Variants in MAN1A2 observed in about 807,000 individuals in gnomAD.
The protein encoded by MAN1A2 is mannosidase alpha class 1A member 2, also known as mannosyl-oligosaccharide 1,2-alpha-mannosidase IB.
MAN1A2 carries 26 observed loss-of-function variants against 75.7 expected under a neutral mutation model. The ratio of observed to expected loss-of-function variants is 0.34; its 90% CI spans 0.25 to 0.48. The LOEUF (loss-of-function observed/expected upper bound fraction) is 0.48, where lower values mean the gene tolerates loss of function less well. MAN1A2 is among the 20% of genes least tolerant of loss of function. The pLI, the probability that MAN1A2 is intolerant of heterozygous loss-of-function variation, is 0.99. For synonymous variants in MAN1A2, 247 were observed against 264.6 expected (o/e 0.93, Z 0.65); for missense variants, 562 against 775.5 (o/e 0.72, Z 3.27).
intron 1 of MAN1A2, among the ~76,000 whole-genome samples, chr1:117,376,155 C>G (rs1011103110): frequency 6.6e-6 from 1 of 152,198 alleles, no homozygotes; most frequent in Non-Finnish European, 1.5e-5. Flanking sequence ...CGTGATCCGC[C>G]CGCCTCGGCC....
intron 8 of MAN1A2, among the ~76,000 whole-genome samples, chr1:117,488,948 C>A (rs1271864295): frequency 1.3e-5 from 2 of 152,056 alleles, no homozygotes; most frequent in Non-Finnish European, 2.9e-5. Context: ...GAGATCAAAT[C>A]TTTTCTATGT....
At chr1:117,468,380 A>G (rs1281325516) in intron 8 of MAN1A2, among the ~76,000 whole-genome samples, 1 of 152,180 alleles carries the variant, frequency 6.6e-6, no homozygotes, top group African/African-American at 2.4e-5. Context: ...AATTTATTCC[A>G]AATAAATTTT....
chr1:117,433,264 A>C (rs1283872100), intron 5 of MAN1A2, among the ~76,000 whole-genome samples: 1 of 152,116 alleles, frequency 6.6e-6, no homozygotes, highest in African/African-American at 2.4e-5. Context: ...AGGATTTCAG[A>C]TTAGAGATAC....
At chr1:117,472,686 T>G (rs1163517352) in intron 8 of MAN1A2, among the ~76,000 whole-genome samples, 1 of 152,116 alleles carries the variant, frequency 6.6e-6, no homozygotes, top group African/African-American at 2.4e-5. Flanking sequence ...TTATTATTAT[T>G]AGTTTTCTCC....
intron 12 of MAN1A2, among the ~76,000 whole-genome samples, chr1:117,521,298 G>A (rs1651864759): frequency 6.6e-6 from 1 of 151,992 alleles, no homozygotes. Context: ...CAAAAACAAA[G>A]ATAAATAGCT....
At chr1:117,472,604 G>A (rs1266435027) in intron 8 of MAN1A2, among the ~76,000 whole-genome samples, 1 of 151,912 alleles carries the variant, frequency 6.6e-6, no homozygotes, top group Non-Finnish European at 1.5e-5. Flanking sequence ...AGCACTTTTA[G>A]TTTCTAGGAC....
intron 2 of MAN1A2, among the ~76,000 whole-genome samples, chr1:117,404,127 C>T (rs1028685738): frequency 6.6e-6 from 1 of 151,966 alleles, no homozygotes; most frequent in Non-Finnish European, 1.5e-5. Context: ...TCCACTTTGT[C>T]GTGGTATGGT....
intron 7 of MAN1A2, among the ~76,000 whole-genome samples, chr1:117,465,493 G>C (rs888167072): frequency 3.3e-5 from 5 of 152,128 alleles, no homozygotes; most frequent in African/African-American, 1.2e-4. Context: ...GAATGACGAT[G>C]GGAAACCTTG....
rs1292562094 is a variant in MAN1A2 at position 117,429,830 on chromosome 1, G to A, written c.855+9181G>A. ...GGGCCGACACCCCCACCTCCCTCCC[G>A]GAGGGGGCGGCTGGCCGGGCGGGGG... On this transcript the variant is annotated intron_variant, in intron 5 of 12. Coordinates refer to ENST00000356554, the MANE Select transcript of MAN1A2 (RefSeq NM_006699.5). Among the ~76,000 whole-genome samples the A allele has an allele frequency of 6.2e-4, 53 of 85,772 alleles. 1 individual carries two copies. Among genetic ancestry groups the A allele is most frequent in the African/African-American group, 2.0e-3 (44 of 22,024 alleles). 56.3% of individuals were successfully genotyped at this position (85,772 alleles called of 152,430 possible).
At chr1:117,492,550 T>A (rs1459162322) in intron 8 of MAN1A2, among the ~76,000 whole-genome samples, 1 of 152,054 alleles carries the variant, frequency 6.6e-6, no homozygotes, top group East Asian at 1.9e-4. Context: ...ACTTGCAGTA[T>A]CTCTGAGGTA....
At chr1:117,386,660 T>G (rs2101733301) in intron 1 of MAN1A2, among the ~76,000 whole-genome samples, 1 of 151,952 alleles carries the variant, frequency 6.6e-6, no homozygotes, top group Non-Finnish European at 1.5e-5. Context: ...TCAAGGGACT[T>G]GATTCCTTTC....
intron 1 of MAN1A2, among the ~76,000 whole-genome samples, chr1:117,380,171 TC>T (rs1653285368): frequency 6.6e-6 from 1 of 152,182 alleles, no homozygotes; most frequent in South Asian, 2.1e-4. Flanking sequence ...ATTACATCCA[TC>T]CTAGTGTCTA....
At chr1:117,495,327 C>T (rs1268173864) in intron 9 of MAN1A2, among the ~76,000 whole-genome samples, 3 of 151,700 alleles carry the variant, frequency 2.0e-5, no homozygotes, top group Admixed American at 1.3e-4. Context: ...CTCAAGTATG[C>T]AGTCTTTGCA....
intron 11 of MAN1A2, among the ~76,000 whole-genome samples, chr1:117,502,511 C>T (rs1651232739): frequency 6.6e-6 from 1 of 151,590 alleles, no homozygotes; most frequent in South Asian, 2.1e-4. Context: ...TGAAACTGAC[C>T]TCCATCTTGA....
At position 117,472,173 on chromosome 1, in the gene MAN1A2, G is replaced by A. The variant is rs565957430; in HGVS notation, c.1168+5746G>A. ...CCCCATTTTAACTGCACCTTTTTCC[G>A]TTTGGAATACCTTCCGCCTTCTCTA... On this transcript the variant is annotated intron_variant, in intron 8 of 12. Transcript: ENST00000356554. Among the ~76,000 whole-genome samples the A allele has an allele frequency of 4.2e-4, 64 of 151,642 alleles. No individual in the cohort carries two copies. In the Middle Eastern group the frequency reaches 0.01, roughly 24 times the overall value.
chr1:117,493,289 C>A, intron 9 of MAN1A2, 27 bp downstream of exon 9: 1 of 1,401,414 alleles, frequency 7.1e-7, no homozygotes, highest in Non-Finnish European at 1.0e-6. Context: ...CATTTTTCTA[C>A]TTAATGGATT....
intron 6 of MAN1A2, among the ~76,000 whole-genome samples, chr1:117,447,663 TATTA>T (rs1557954696): frequency 6.6e-6 from 1 of 152,192 alleles, no homozygotes; most frequent in East Asian, 1.9e-4. Flanking sequence ...TTCCAATGTT[TATTA>T]ATTTTTGAGT....
In MAN1A2 at chr1:117,449,841, G is replaced by A. The variant is rs10923301; in HGVS notation, c.950+7516G>A. Among the ~76,000 whole-genome samples the A allele has an allele frequency of 3.8e-3, 583 of 152,282 alleles. 7 individuals are homozygous for A. The highest frequency in any genetic ancestry group is 0.013 in the African/African-American group (554 of 41,554). ...AAGCCAAAGCCTAATGCAGAGGAAG[G>A]CCCTAACTCTCTTCACGTCTGTGAA... On this transcript the variant is annotated intron_variant, in intron 6 of 12. Coordinates refer to ENST00000356554, the MANE Select transcript of MAN1A2 (RefSeq NM_006699.5).
At chr1:117,428,142 C>G (rs2101790551) in intron 5 of MAN1A2, among the ~76,000 whole-genome samples, 1 of 150,750 alleles carries the variant, frequency 6.6e-6, no homozygotes, top group Non-Finnish European at 1.5e-5. Context: ...GGGACCGAGT[C>G]TCACTCTTGT....
Sources: gnomAD v4.1 joint callset for allele counts (sites outside exome capture counted in the v4.1 genomes callset) on GRCh38, gnomAD v4.1.1 for gene constraint, MANE v1.5 for transcripts, NCBI Gene and HGNC (gene_info 2026-07-23, HGNC 2026-07-21) for gene names.